ACTR10: variants seen among roughly 807,000 people sequenced by gnomAD.
The protein encoded by ACTR10 is actin-related protein 10.
ACTR10 carries 43 observed loss-of-function variants against 56.2 expected under a neutral mutation model. That is an observed-to-expected ratio of 0.77 (90% CI 0.60 to 0.99). The LOEUF (loss-of-function observed/expected upper bound fraction) is 0.99. Ranked by LOEUF, ACTR10 falls within the 50% of genes least tolerant of loss-of-function variation. The pLI is 0.00. For missense variants in ACTR10, 466 were observed against 507.8 expected, an observed-to-expected ratio of 0.92 and a Z score of 0.79; for synonymous variants, 170 against 176.3, an observed-to-expected ratio of 0.96 and a Z score of 0.28.
chr14:58,228,052 A>C (rs985003098), intron 10 of ACTR10, among the ~76,000 whole-genome samples: 14 of 152,204 alleles, frequency 9.2e-5, no homozygotes, highest in Admixed American at 9.2e-4. Context: ...TGGTGAGCTG[A>C]GATTGTGCCA....
Position 58,211,301 on chromosome 14 carries a change from G to C in ACTR10, c.352G>C (p.Val118Leu), listed in dbSNP as rs765199716. Residue 118 changes from valine (V) to leucine (L), a missense_variant, in exon 5 of 13, where the codon GTC becomes CTC. Transcript: ENST00000254286. ...TTTTGTTATTTTCTAGGTTCCATCT[G>C]TCTTGCTTGCTCCAAGTCATCTAAT... ...VLFKYFEVPS[V>L]LLAPSHLMAL... 6.2e-7 allele frequency: 1 copy of C among 1,612,718 alleles called. No individual in the cohort carries two copies. Among genetic ancestry groups the C allele is most frequent in the Non-Finnish European group, 8.5e-7 (1 of 1,178,936 alleles).
At chr14:58,204,308 C>T (rs566423596) in intron 2 of ACTR10, among the ~76,000 whole-genome samples, 5 of 152,054 alleles carry the variant, frequency 3.3e-5, no homozygotes, top group East Asian at 3.9e-4. Flanking sequence ...GGCGTGAACT[C>T]GGGAGGCGAA....
intron 6 of ACTR10, among the ~76,000 whole-genome samples, chr14:58,214,911 G>T (rs543110652): frequency 2.0e-5 from 3 of 150,200 alleles, no homozygotes; most frequent in African/African-American, 7.3e-5. Context: ...TTCAAGACCA[G>T]CCTGGCCAAC....
intron 8 of ACTR10, among the ~76,000 whole-genome samples, chr14:58,220,718 G>A (rs1215889790): frequency 1.3e-5 from 2 of 152,170 alleles, no homozygotes; most frequent in African/African-American, 4.8e-5. Context: ...AAGACATCTG[G>A]TATTAGTGAG....
At chr14:58,220,380 T>A (rs1889234019) in intron 8 of ACTR10, among the ~76,000 whole-genome samples, 1 of 152,162 alleles carries the variant, frequency 6.6e-6, no homozygotes, top group African/African-American at 2.4e-5. Flanking sequence ...TTGTCCAGTG[T>A]CACACAAGTA....
intron 12 of ACTR10, 45 bp downstream of exon 12, chr14:58,232,312 T>C: frequency 6.8e-7 from 1 of 1,476,434 alleles, no homozygotes; most frequent in South Asian, 1.2e-5. Context: ...TAGTATTTGG[T>C]CTCTGAATGA....
chr14:58,203,302 C>CAAA (rs11384472), intron 2 of ACTR10, among the ~76,000 whole-genome samples: 6 of 105,374 alleles, frequency 5.7e-5, no homozygotes, highest in South Asian at 6.5e-4. Context: ...GACTTCGTCT[C>CAAA]AAAAAAAAAA....
chr14:58,208,693 T>C (rs1888923237), intron 3 of ACTR10, among the ~76,000 whole-genome samples: 1 of 150,100 alleles, frequency 6.7e-6, no homozygotes, highest in Admixed American at 6.7e-5. Context: ...CACTCCAACT[T>C]GGGCAACAGA....
intron 2 of ACTR10, among the ~76,000 whole-genome samples, chr14:58,205,314 CTTT>C (rs35929902): frequency 4.6e-5 from 6 of 129,602 alleles, no homozygotes; most frequent in South Asian, 2.5e-4. Flanking sequence ...CATCAGAAAT[CTTT>C]TTTTTTTTTT....
intron 4 of ACTR10, 85 bp downstream of exon 4, chr14:58,209,192 T>G: frequency 1.0e-6 from 1 of 972,666 alleles, no homozygotes; most frequent in Non-Finnish European, 1.5e-6. Flanking sequence ...TAGGGAATCT[T>G]TCTTCTCTTT....
chr14:58,227,027 G>A (rs934569084), intron 10 of ACTR10, among the ~76,000 whole-genome samples: 9 of 152,132 alleles, frequency 5.9e-5, no homozygotes, highest in Non-Finnish European at 4.4e-5. Flanking sequence ...ATAAAAAATC[G>A]TATACTAAAC....
intron 12 of ACTR10, among the ~76,000 whole-genome samples, chr14:58,233,417 A>T (rs947442436): frequency 6.6e-6 from 1 of 152,180 alleles, no homozygotes; most frequent in Non-Finnish European, 1.5e-5. Flanking sequence ...AATTTTGGAG[A>T]TTTGCAACAA....
intron 2 of ACTR10, among the ~76,000 whole-genome samples, chr14:58,203,523 C>G (rs1025636775): frequency 2.0e-5 from 3 of 152,092 alleles, no homozygotes; most frequent in Non-Finnish European, 4.4e-5. Flanking sequence ...ATCCTCATTC[C>G]TATCCTCAGC....
In ACTR10 at chr14:58,215,185, C is replaced by CT. The variant is rs748106417; in HGVS notation, c.519-9dup. 21,240 of 1,090,472 alleles carry CT rather than the reference C, an allele frequency of 0.019. 2 individuals carry two copies. The highest frequency in any genetic ancestry group is 0.022 in the South Asian group (1,288 of 59,306). 67.5% of individuals were successfully genotyped at this position (1,090,472 alleles called of 1,614,324 possible). ...AGTTTCAATATTTTCATTCCAGTAA[C>CT]TTTTTTTTTTTAATTTCAGAGAGTT... On this transcript the variant is annotated intron_variant, in intron 6 of 12. Transcript: ENST00000254286.
At chr14:58,219,647 T>C (rs1889218289) in intron 7 of ACTR10, 47 bp from the exon 8 acceptor site, 1 of 1,275,792 alleles carries the variant, frequency 7.8e-7, no homozygotes. Context: ...AATAGACTGT[T>C]TTTAATTATT....
At chr14:58,203,302 C>CAAAAAAAAAAAAA (rs11384472) in intron 2 of ACTR10, among the ~76,000 whole-genome samples, 1 of 105,466 alleles carries the variant, frequency 9.5e-6, no homozygotes, top group Non-Finnish European at 1.8e-5. Context: ...GACTTCGTCT[C>CAAAAAAAAAAAAA]AAAAAAAAAA....
At chr14:58,215,179 C>T (rs761689764) in intron 6 of ACTR10, 26 bp from the exon 7 acceptor site, 8 of 1,389,978 alleles carry the variant, frequency 5.8e-6, no homozygotes, top group South Asian at 1.3e-5. Flanking sequence ...ATTTTCATTC[C>T]AGTAACTTTT....
At chr14:58,213,950 T>A (rs1330576641) in intron 6 of ACTR10, among the ~76,000 whole-genome samples, 1 of 152,208 alleles carries the variant, frequency 6.6e-6, no homozygotes, top group South Asian at 2.1e-4. Flanking sequence ...AGGCATGCAA[T>A]GAGAAATAAG....
rs762826662 is a variant in ACTR10 at position 58,230,505 on chromosome 14, C to T, written c.870+25C>T. The stretch of plus-strand genomic sequence containing the variant: ...GGTATTTTATCTTGTCAAAAAATTC[C>T]CTTTATTACCACAGTCCTTTAAATA... On this transcript the variant is annotated intron_variant, in intron 11 of 12. Coordinates refer to ENST00000254286, the MANE Select transcript of ACTR10 (RefSeq NM_018477.3). 5.6e-5 allele frequency: 69 copies of T among 1,240,600 alleles called. No individual in the cohort carries two copies. The Middle Eastern group carries it at 1.8e-3, about 32-fold the overall frequency. 76.8% of individuals were successfully genotyped at this position (1,240,600 alleles called of 1,614,324 possible).
Sources: gnomAD v4.1 joint callset for allele counts (sites outside exome capture counted in the v4.1 genomes callset) on GRCh38, gnomAD v4.1.1 for gene constraint, MANE v1.5 for transcripts, NCBI Gene and HGNC (gene_info 2026-07-23, HGNC 2026-07-21) for gene names.